Variants in PTPRA observed in about 807,000 individuals in gnomAD.
PTPRA encodes protein tyrosine phosphatase receptor type A.
Under a neutral mutation model 104.8 loss-of-function variants are expected in PTPRA, and 25 were observed. The observed-to-expected ratio is 0.24, with a 90% CI of 0.17 to 0.33. The LOEUF (loss-of-function observed/expected upper bound fraction) is 0.33, where lower values mean the gene tolerates loss of function less well. Ranked by LOEUF, PTPRA falls within the 10% of genes least tolerant of loss-of-function variation. PTPRA has a pLI of 1.00. For synonymous variants in PTPRA, 323 were observed against 368.9 expected, an observed-to-expected ratio of 0.88 and a Z score of 1.43; for missense variants, 765 against 1,015.3, an observed-to-expected ratio of 0.75 and a Z score of 3.35.
intron 17 of PTPRA, 151 bp from the exon 18 acceptor site, chr20:3,026,536 A>C (rs1410639844): frequency 1.6e-6 from 1 of 616,636 alleles, no homozygotes; most frequent in Non-Finnish European, 2.9e-6. Flanking sequence ...TCAGGGTTCC[A>C]GCTGAACATA....
intron 5 of PTPRA, among the ~76,000 whole-genome samples, chr20:2,968,497 CTT>C (rs367832776): frequency 6.9e-5 from 8 of 115,378 alleles, no homozygotes; most frequent in Non-Finnish European, 1.7e-5. Context: ...CCCCCTCTTC[CTT>C]TTTTTTTTTT....
At chr20:2,931,655 A>T (rs967981515) in intron 2 of PTPRA, among the ~76,000 whole-genome samples, 3 of 152,130 alleles carry the variant, frequency 2.0e-5, no homozygotes, top group Non-Finnish European at 4.4e-5. Context: ...CCTGGAACAA[A>T]TGTGGCATTG....
chr20:2,866,655 T>C, the PTPRA span: 1 of 1,578,680 alleles, frequency 6.3e-7, no homozygotes, highest in Non-Finnish European at 8.6e-7. Flanking sequence ...TTCATCCAGC[T>C]CCTCCCCTAG....
At chr20:2,946,881 AAAAG>A (rs1017907951) in intron 2 of PTPRA, among the ~76,000 whole-genome samples, 12 of 141,512 alleles carry the variant, frequency 8.5e-5, no homozygotes, top group Non-Finnish European at 1.3e-4. Flanking sequence ...TAAAATAAAT[AAAAG>A]AAAGAGTAAA....
chr20:2,970,558 C>G (rs922383044), intron 5 of PTPRA, among the ~76,000 whole-genome samples: 2 of 152,144 alleles, frequency 1.3e-5, no homozygotes, highest in Non-Finnish European at 2.9e-5. Context: ...CAAGGTTTTC[C>G]TGACTCGTTT....
intron 1 of PTPRA, among the ~76,000 whole-genome samples, chr20:2,888,243 G>A (rs1295277637): frequency 2.6e-5 from 4 of 152,150 alleles, no homozygotes; most frequent in African/African-American, 9.7e-5. Context: ...TGACTGACAT[G>A]GTGGGGAAGA....
intron 3 of PTPRA, among the ~76,000 whole-genome samples, chr20:2,960,310 C>T (rs199865908): frequency 2.0e-5 from 3 of 146,392 alleles, no homozygotes; most frequent in East Asian, 4.1e-4. Context: ...AGTGCAGTGG[C>T]GCCATCTTGG....
At chr20:2,924,681 G>GTGTTC (rs2060228143) in intron 2 of PTPRA, among the ~76,000 whole-genome samples, 2 of 151,976 alleles carry the variant, frequency 1.3e-5, no homozygotes, top group Admixed American at 1.3e-4. Flanking sequence ...CACCGAAAAG[G>GTGTTC]TGTTTTGTTT....
chr20:2,887,112 A>G (rs991116252), intron 1 of PTPRA, among the ~76,000 whole-genome samples: 6 of 152,196 alleles, frequency 3.9e-5, no homozygotes, highest in Admixed American at 2.6e-4. Context: ...TTGCTCTATA[A>G]TATATTAAAA....
intron 1 of PTPRA, among the ~76,000 whole-genome samples, chr20:2,895,908 A>G (rs2058980312): frequency 6.6e-6 from 1 of 152,110 alleles, no homozygotes; most frequent in Non-Finnish European, 1.5e-5. Context: ...GATGGAGTCA[A>G]ATTACCGATA....
chr20:3,035,878 T>G lies in PTPRA; in HGVS notation c.2135T>G (p.Ile712Ser). 11 of 1,614,096 alleles carry G rather than the reference T, an allele frequency of 6.8e-6. No individual in the cohort carries two copies. Among genetic ancestry groups the G allele is most frequent in the Non-Finnish European group, 9.3e-6 (11 of 1,180,042 alleles). The change falls in exon 22 of 24, where the codon ATC becomes AGC. Residue 712 changes from isoleucine (I) to serine (S), a missense_variant. This residue lies in a region of PTPRA where 72 missense variants were observed against 140.7 expected (regional missense o/e 0.51). Transcript: ENST00000399903. This position sits in a 1 kb window ranked among gnomAD's most constrained non-coding sequence, Gnocchi z 5.8. ...AGTGACGGAAAGGGCATGATCAGCATCATCGCCGCCGTGCAGAAGCAGCAG... is the reference window on the plus strand; with the variant it reads ...AGTGACGGAAAGGGCATGATCAGCAGCATCGCCGCCGTGCAGAAGCAGCAG... ...IPSDGKGMISIIAAVQKQQQQ... is the reference protein window; with the variant it reads ...IPSDGKGMISSIAAVQKQQQQ...
intron 6 of PTPRA, among the ~76,000 whole-genome samples, chr20:2,981,471 T>A (rs2148080412): frequency 6.6e-6 from 1 of 152,294 alleles, no homozygotes; most frequent in South Asian, 2.1e-4. Context: ...CATCTAATAA[T>A]TAGAGGCTAG....
Position 2,965,213 on chromosome 20 carries a change from T to G in PTPRA, c.415+11T>G. ...CTTTCCCTCCTTCAGGTACTAGAGA[T>G]GATTCTGTTTGTTCTTTTGCTCTTT... On this transcript the variant is annotated intron_variant, in intron 5 of 23. Transcript: ENST00000399903. 6.3e-7 allele frequency: 1 copy of G among 1,575,290 alleles called. No homozygotes were observed. Among genetic ancestry groups the G allele is most frequent in the Non-Finnish European group, 8.7e-7 (1 of 1,151,138 alleles).
intron 3 of PTPRA, among the ~76,000 whole-genome samples, chr20:2,948,430 G>A (rs546048511): frequency 1.3e-5 from 2 of 152,172 alleles, no homozygotes; most frequent in South Asian, 4.1e-4. Flanking sequence ...TGGTTCAGCA[G>A]TTCATCCATT....
chr20:3,034,097 C>G (rs1045542126), intron 20 of PTPRA, among the ~76,000 whole-genome samples: 3 of 151,904 alleles, frequency 2.0e-5, no homozygotes, highest in African/African-American at 7.3e-5. Context: ...ATGGTGAAAC[C>G]CTGTCTCTAC....
At chr20:3,023,378 TTAAGA>T (rs750973993) in intron 16 of PTPRA, among the ~76,000 whole-genome samples, 2 of 152,126 alleles carry the variant, frequency 1.3e-5, no homozygotes, top group Non-Finnish European at 2.9e-5. Flanking sequence ...TTCTTTGGAG[TTAAGA>T]TAAGAGGAAG....
At chr20:2,977,206 G>A (rs575194714) in intron 6 of PTPRA, among the ~76,000 whole-genome samples, 1 of 151,856 alleles carries the variant, frequency 6.6e-6, no homozygotes, top group South Asian at 2.1e-4. Flanking sequence ...AACCTGGGAG[G>A]CAGAGGTTGC....
At chr20:2,910,076 TGTATA>T (rs1175712916) in intron 1 of PTPRA, among the ~76,000 whole-genome samples, 2 of 121,354 alleles carry the variant, frequency 1.6e-5, no homozygotes, top group African/African-American at 6.5e-5. Flanking sequence ...ATATATATGA[TGTATA>T]GTATATATGA....
chr20:3,021,396 G>A lies in PTPRA; in HGVS notation c.1129G>A (p.Asp377Asn). Residue 377 changes from aspartate to asparagine, a missense_variant, in exon 14 of 24, where the codon GAC becomes AAC. Around this residue, in one of 4 missense-constraint regions of PTPRA, gnomAD observed 245 missense variants for 398.7 expected, o/e 0.61. Coordinates refer to ENST00000399903, the MANE Select transcript of PTPRA (RefSeq NM_001385305.1). Reference protein sequence around the residue: ...VSVEDVTVLVDYTVRKFCIQQ... With the variant: ...VSVEDVTVLVNYTVRKFCIQQ... Reference sequence around the variant, plus strand: ...TGTAGAGGATGTGACTGTCCTGGTGGACTACACAGTACGGAAGTTCTGCAT... The same window carrying A: ...TGTAGAGGATGTGACTGTCCTGGTGAACTACACAGTACGGAAGTTCTGCAT... 6.2e-7 allele frequency: 1 copy of A among 1,614,092 alleles called. No homozygotes were observed.
Sources: gnomAD v4.1 joint callset for allele counts (sites outside exome capture counted in the v4.1 genomes callset) on GRCh38, gnomAD v4.1.1 for gene constraint, gnomAD v4.1.1 regional missense constraint, Gnocchi (gnomAD v3.1) non-coding constraint, MANE v1.5 for transcripts, NCBI Gene and HGNC (gene_info 2026-07-23, HGNC 2026-07-21) for gene names.